The following DDHD1 variants were observed in gnomAD, a reference collection of about 807,000 sequenced individuals.
DDHD1 encodes the protein phospholipase DDHD1.
In DDHD1, 49 loss-of-function variants were observed where a neutral mutation model predicts 96.4. The ratio of observed to expected loss-of-function variants is 0.51; its 90% CI spans 0.40 to 0.64. The LOEUF (loss-of-function observed/expected upper bound fraction) is 0.64, where lower values mean the gene tolerates loss of function less well. DDHD1 is among the 30% of genes least tolerant of loss of function. The probability of loss-of-function intolerance (pLI) is 0.00; values close to 1 mark genes in which losing one functional copy is unlikely to be tolerated. For synonymous variants in DDHD1, 442 were observed against 446.5 expected, an observed-to-expected ratio of 0.99 and a Z score of 0.13; for missense variants, 1,106 against 1,161.2, an observed-to-expected ratio of 0.95 and a Z score of 0.69.
chr14:53,124,074 A>T (rs1386196129), intron 1 of DDHD1, among the ~76,000 whole-genome samples: 3 of 151,968 alleles, frequency 2.0e-5, no homozygotes, highest in African/African-American at 7.3e-5. Flanking sequence ...TCTACTAAAA[A>T]TACAAAAAAA....
chr14:53,071,904 C>G (rs1448988203), intron 6 of DDHD1, among the ~76,000 whole-genome samples: 1 of 152,134 alleles, frequency 6.6e-6, no homozygotes, highest in Non-Finnish European at 1.5e-5. Flanking sequence ...TGCCTGGATT[C>G]AAATACTGGC....
chr14:53,101,244 C>G (rs373603300), intron 2 of DDHD1, among the ~76,000 whole-genome samples: 6 of 152,088 alleles, frequency 3.9e-5, no homozygotes, highest in Admixed American at 3.3e-4. Flanking sequence ...ACAATGGTAG[C>G]TTTTTGGATA....
chr14:53,152,211 G>T, intron 1 of DDHD1, 50 bp downstream of exon 1: 1 of 1,514,568 alleles, frequency 6.6e-7, no homozygotes, highest in South Asian at 1.3e-5. Flanking sequence ...GGTGCGCATC[G>T]GCCCATGCAG....
chr14:53,122,090 G>A (rs1394393174), intron 1 of DDHD1, among the ~76,000 whole-genome samples: 1 of 152,134 alleles, frequency 6.6e-6, no homozygotes, highest in Non-Finnish European at 1.5e-5. Flanking sequence ...ACACTTGAAG[G>A]ATGCTGGAAG....
In DDHD1 at chr14:53,045,906, T is replaced by C. The variant is rs1469712953; in HGVS notation, c.*862A>G. ...TCAAAAGCATTTACTAGTTTTCTAATAAAGCTAATGAAATGTACCCATTAT... is the reference window on the plus strand; with the variant it reads ...TCAAAAGCATTTACTAGTTTTCTAACAAAGCTAATGAAATGTACCCATTAT... On this transcript the variant is annotated 3_prime_UTR_variant, in exon 13 of 13. Coordinates refer to ENST00000673822, the MANE Select transcript of DDHD1 (RefSeq NM_001160148.2). The C allele has an allele frequency of 6.6e-6, 1 of 152,232 alleles. No homozygotes were observed. 9.4% of individuals were successfully genotyped at this position (152,232 alleles called of 1,614,324 possible).
chr14:53,090,024 C>T (rs1216610470), intron 4 of DDHD1, among the ~76,000 whole-genome samples: 2 of 152,038 alleles, frequency 1.3e-5, no homozygotes, highest in Non-Finnish European at 2.9e-5. Context: ...AACAAATTGA[C>T]AAGAAAAAGT....
intron 1 of DDHD1, among the ~76,000 whole-genome samples, chr14:53,138,317 A>T (rs952256390): frequency 6.6e-5 from 10 of 152,184 alleles, no homozygotes; most frequent in African/African-American, 2.2e-4. Context: ...AGGCAGGAGA[A>T]TTGCTTGAGC....
At chr14:53,132,709 T>A (rs1371259935) in intron 1 of DDHD1, among the ~76,000 whole-genome samples, 1 of 152,192 alleles carries the variant, frequency 6.6e-6, no homozygotes, top group African/African-American at 2.4e-5. Context: ...AATGCCTCTT[T>A]AATAAAAACT....
At chr14:53,055,196 C>T (rs572718231) in intron 10 of DDHD1, among the ~76,000 whole-genome samples, 5 of 152,296 alleles carry the variant, frequency 3.3e-5, no homozygotes, top group Admixed American at 2.6e-4. Flanking sequence ...TGTGCCAGTA[C>T]TGGAGATCAT....
At chr14:53,086,443 T>C (rs1378211560) in intron 4 of DDHD1, among the ~76,000 whole-genome samples, 6 of 152,156 alleles carry the variant, frequency 3.9e-5, no homozygotes, top group African/African-American at 9.7e-5. Context: ...ATCAGACTAA[T>C]GGCGGATCTC....
intron 1 of DDHD1, among the ~76,000 whole-genome samples, chr14:53,145,547 G>A (rs1408299688): frequency 1.4e-5 from 2 of 142,720 alleles, no homozygotes; most frequent in Non-Finnish European, 3.0e-5. Flanking sequence ...AGTACAACTA[G>A]TTATTTGTCC....
At chr14:53,144,863 G>C (rs1890868758) in intron 1 of DDHD1, among the ~76,000 whole-genome samples, 1 of 152,318 alleles carries the variant, frequency 6.6e-6, no homozygotes, top group African/African-American at 2.4e-5. Flanking sequence ...AAATTACTGA[G>C]CAGAGGCTGG....
At chr14:53,093,634 ATAAAT>A in intron 2 of DDHD1, 190 bp from the exon 3 acceptor site, 1 of 597,670 alleles carries the variant, frequency 1.7e-6, no homozygotes, top group Non-Finnish European at 2.7e-6. Flanking sequence ...ACTTTATTTT[ATAAAT>A]GATTAATCCT....
At chr14:53,050,260 T>C in intron 12 of DDHD1, among the ~76,000 whole-genome samples, 1 of 152,022 alleles carries the variant, frequency 6.6e-6, no homozygotes, top group Non-Finnish European at 1.5e-5. Flanking sequence ...AAGCATGGGG[T>C]ATGAAGAGAA....
intron 1 of DDHD1, among the ~76,000 whole-genome samples, chr14:53,118,438 A>T (rs1888715567): frequency 2.0e-5 from 3 of 151,576 alleles, no homozygotes; most frequent in Non-Finnish European, 4.4e-5. Context: ...AATGGCTAAC[A>T]AGAATAAACA....
intron 8 of DDHD1, among the ~76,000 whole-genome samples, 169 bp downstream of exon 8, chr14:53,060,954 ATTC>A: frequency 6.6e-6 from 1 of 152,264 alleles, no homozygotes; most frequent in East Asian, 1.9e-4. Context: ...TGACTTGTCT[ATTC>A]TTTTCTTTGT....
At chr14:53,116,071 G>A (rs1413122458) in intron 1 of DDHD1, among the ~76,000 whole-genome samples, 2 of 152,152 alleles carry the variant, frequency 1.3e-5, no homozygotes, top group Non-Finnish European at 2.9e-5. Flanking sequence ...AGCAGGGGTT[G>A]CAATCCTAAT....
rs570947189 is a variant in DDHD1, at chr14:53,135,064, A to AC, written c.838+17196dup. Among the ~76,000 whole-genome samples the AC allele has an allele frequency of 4.3e-4, 66 of 152,084 alleles. 1 individual carries two copies. The East Asian group carries it at 0.012, about 28-fold the overall frequency. On this transcript the variant is annotated intron_variant, in intron 1 of 12. Transcript: ENST00000673822. ...CATACCACCCCCAAAAATTTTTGCC[A>AC]CCCCAACACTTCACCACCATTTTGT...
chr14:53,077,720 T>C lies in DDHD1; in HGVS notation c.1290-3873A>G, dbSNP rs1427840361. Among the ~76,000 whole-genome samples, 6 of 151,804 alleles carry C rather than the reference T, an allele frequency of 4.0e-5. No individual in the cohort carries two copies. The East Asian group carries it at 7.8e-4, about 20-fold the overall frequency. ...GGCTTTTAGTATATTCAAAGAGTTATGCAGCTATCACCATTATCTAATTTC... is the reference window on the plus strand; with the variant it reads ...GGCTTTTAGTATATTCAAAGAGTTACGCAGCTATCACCATTATCTAATTTC... On this transcript the variant is annotated intron_variant, in intron 4 of 12. Coordinates refer to ENST00000673822, the MANE Select transcript of DDHD1 (RefSeq NM_001160148.2).
Sources: gnomAD v4.1 joint callset for allele counts (sites outside exome capture counted in the v4.1 genomes callset) on GRCh38, gnomAD v4.1.1 for gene constraint, MANE v1.5 for transcripts, NCBI Gene and HGNC (gene_info 2026-07-23, HGNC 2026-07-21) for gene names.